The following PPM1L variants were observed in gnomAD, a reference collection of about 807,000 sequenced individuals.
PPM1L encodes the protein protein phosphatase 1L.
PPM1L carries 13 observed loss-of-function variants against 31.4 expected under a neutral mutation model. The ratio of observed to expected loss-of-function variants is 0.41; its 90% CI spans 0.27 to 0.66. The LOEUF is 0.66. Ranked by LOEUF, PPM1L falls within the 30% of genes least tolerant of loss-of-function variation. The probability of loss-of-function intolerance (pLI) is 0.29; values close to 1 mark genes in which losing one functional copy is unlikely to be tolerated. For synonymous variants in PPM1L, 184 were observed against 175.4 expected (o/e 1.05, Z -0.39); for missense variants, 326 against 453.7 (o/e 0.72, Z 2.56).
At chr3:160,757,263 T>C (rs1714834938) in intron 1 of PPM1L, among the ~76,000 whole-genome samples, 2 of 152,222 alleles carry the variant, frequency 1.3e-5, no homozygotes, top group Admixed American at 1.3e-4. Flanking sequence ...TTTCCAACTC[T>C]ATCAACTTTA....
chr3:160,790,219 CT>C (rs749143141), intron 1 of PPM1L, among the ~76,000 whole-genome samples: 3 of 151,972 alleles, frequency 2.0e-5, no homozygotes, highest in Non-Finnish European at 4.4e-5. Flanking sequence ...CTGTTATTAA[CT>C]AATTTTGATG....
At chr3:160,808,405 G>GCGCGCGCGCGCA (rs1560112693) in intron 1 of PPM1L, among the ~76,000 whole-genome samples, 17 of 148,716 alleles carry the variant, frequency 1.1e-4, no homozygotes, top group Admixed American at 2.7e-4. Flanking sequence ...GTGTGTGTGT[G>GCGCGCGCGCGCA]TGTGTGTGTG....
chr3:160,977,284 C>G (rs1716622385), intron 2 of PPM1L, among the ~76,000 whole-genome samples: 1 of 152,150 alleles, frequency 6.6e-6, no homozygotes, highest in African/African-American at 2.4e-5. Flanking sequence ...TGGATGTGCT[C>G]TTTAGTTCTT....
chr3:160,805,005 C>G (rs991312938), intron 1 of PPM1L, among the ~76,000 whole-genome samples: 1 of 152,192 alleles, frequency 6.6e-6, no homozygotes, highest in Non-Finnish European at 1.5e-5. Flanking sequence ...GTGTGACCTT[C>G]TCCTGGCATC....
intron 2 of PPM1L, among the ~76,000 whole-genome samples, chr3:160,987,029 G>A (rs1295820965): frequency 3.3e-5 from 5 of 152,208 alleles, no homozygotes; most frequent in Admixed American, 6.5e-5. Context: ...ACTTAATGTC[G>A]CATTATTCAT....
At chr3:160,870,618 A>G (rs1441092193) in intron 1 of PPM1L, 1 of 152,118 alleles carries the variant, frequency 6.6e-6, no homozygotes, top group Non-Finnish European at 1.5e-5. Flanking sequence ...TGAATGTGAC[A>G]CTTCTCGGTC....
intron 1 of PPM1L, among the ~76,000 whole-genome samples, chr3:160,954,099 T>C (rs1715657518): frequency 6.6e-6 from 1 of 152,226 alleles, no homozygotes; most frequent in Admixed American, 6.5e-5. Context: ...TAACCGAGGA[T>C]AAGTTTCTTA....
rs1432370271 is a variant in PPM1L, at chr3:161,074,987, T to G, written c.*5830T>G. 1 of 152,028 alleles carries G rather than the reference T, an allele frequency of 6.6e-6. No homozygotes were observed. Among genetic ancestry groups the G allele is most frequent in the Non-Finnish European group, 1.5e-5 (1 of 68,032 alleles). 9.4% of individuals were successfully genotyped at this position (152,028 alleles called of 1,614,324 possible). A position where few individuals can be genotyped will look rare whatever the true frequency, so the allele number is the denominator to read the frequency against. On this transcript the variant is annotated 3_prime_UTR_variant, in exon 4 of 4. Transcript: ENST00000498165. ...AACATTTGCCAAATCCAAGTTAATC[T>G]CAAAAACCTCCGAGGACATTGAGCA...
In PPM1L at chr3:160,779,970, A is replaced by G. The variant is rs947721785; in HGVS notation, c.399+23263A>G. ...CTGTTAAGACATTAAATGAATTCAT[A>G]CATGTAAAGTACTTAAAGTGGTGCA... is the stretch of plus-strand genomic sequence containing the variant. On this transcript the variant is annotated intron_variant, in intron 1 of 3. Transcript: ENST00000498165. 5.9e-5 allele frequency among the ~76,000 whole-genome samples: 9 copies of G among 152,190 alleles called. No individual in the cohort carries two copies. The East Asian group carries it at 1.7e-3, about 29-fold the overall frequency.
At chr3:160,796,776 A>G (rs985393419) in intron 1 of PPM1L, among the ~76,000 whole-genome samples, 1 of 152,228 alleles carries the variant, frequency 6.6e-6, no homozygotes, top group East Asian at 1.9e-4. Context: ...CCTAATTTAT[A>G]GGGTAAGAGT....
intron 2 of PPM1L, among the ~76,000 whole-genome samples, chr3:161,049,554 G>A (rs1297476667): frequency 6.6e-6 from 1 of 152,122 alleles, no homozygotes; most frequent in Non-Finnish European, 1.5e-5. Context: ...TCAGACCTGG[G>A]TTCAAAATCT....
At chr3:160,850,952 CAG>C (rs1298323577) in intron 1 of PPM1L, among the ~76,000 whole-genome samples, 1 of 150,672 alleles carries the variant, frequency 6.6e-6, no homozygotes, top group African/African-American at 2.4e-5. Context: ...CCATACTTGT[CAG>C]AGAGTAATCC....
At chr3:160,764,704 G>C (rs1206182550) in intron 1 of PPM1L, among the ~76,000 whole-genome samples, 1 of 152,104 alleles carries the variant, frequency 6.6e-6, no homozygotes, top group African/African-American at 2.4e-5. Flanking sequence ...CTGACCTCAG[G>C]CAATCTGCCC....
chr3:160,854,173 G>GTTTTACAATGAA (rs1711607005), intron 1 of PPM1L, among the ~76,000 whole-genome samples: 3 of 152,148 alleles, frequency 2.0e-5, no homozygotes, highest in Non-Finnish European at 2.9e-5. Flanking sequence ...CGCATCATGT[G>GTTTTACAATGAA]GTTCAGTTTG....
At chr3:160,769,701 G>A (rs1715198779) in intron 1 of PPM1L, among the ~76,000 whole-genome samples, 1 of 151,808 alleles carries the variant, frequency 6.6e-6, no homozygotes, top group Admixed American at 6.6e-5. Context: ...TTCTTCTGTT[G>A]GCTATCCATT....
intron 1 of PPM1L, among the ~76,000 whole-genome samples, chr3:160,771,097 T>C (rs1715243363): frequency 2.0e-5 from 3 of 152,172 alleles, no homozygotes; most frequent in South Asian, 2.1e-4. Context: ...GAATAAAGTA[T>C]ATGTATGTAA....
chr3:160,865,572 C>G (rs190186858), intron 1 of PPM1L, among the ~76,000 whole-genome samples: 45 of 152,250 alleles, frequency 3.0e-4, no homozygotes, highest in African/African-American at 1.0e-3. Context: ...GTCAAGAGAT[C>G]GAGACCATCC....
chr3:160,984,629 A>G (rs1716905818), intron 2 of PPM1L, among the ~76,000 whole-genome samples: 1 of 152,162 alleles, frequency 6.6e-6, no homozygotes, highest in African/African-American at 2.4e-5. Context: ...TTCACAATTT[A>G]TGTTCTTCTG....
chr3:160,802,326 A>G (rs1712454494), intron 1 of PPM1L, among the ~76,000 whole-genome samples: 1 of 152,160 alleles, frequency 6.6e-6, no homozygotes, highest in Admixed American at 6.5e-5. Flanking sequence ...GGATCTGGTC[A>G]TTATATAACT....
Sources: gnomAD v4.1 joint callset for allele counts (sites outside exome capture counted in the v4.1 genomes callset) on GRCh38, gnomAD v4.1.1 for gene constraint, MANE v1.5 for transcripts, NCBI Gene and HGNC (gene_info 2026-07-23, HGNC 2026-07-21) for gene names.